The following RPA3 variants were observed in gnomAD, a reference collection of about 807,000 sequenced individuals.
RPA3 encodes replication protein A3, also known as replication protein A 14 kDa subunit.
A neutral mutation model predicts 13.7 loss-of-function variants in RPA3; 24 were observed. The ratio of observed to expected loss-of-function variants is 1.75; its 90% confidence interval spans 1.27 to 2.46. RPA3 has a LOEUF of 2.46. Among genes scored for constraint, RPA3 ranks in the 30% most tolerant of loss-of-function variants. The probability of loss-of-function intolerance (pLI) is 0.00; values close to 1 mark genes in which losing one functional copy is unlikely to be tolerated. For synonymous variants in RPA3, 59 were observed against 51.2 expected, an observed-to-expected ratio of 1.15 and a Z score of -0.65; for missense variants, 183 against 151.0, an observed-to-expected ratio of 1.21 and a Z score of -1.11.
chr7:7,675,558 TC>T (rs1779717761), intron 4 of RPA3, among the ~76,000 whole-genome samples: 1 of 152,190 alleles, frequency 6.6e-6, no homozygotes, highest in Non-Finnish European at 1.5e-5. Context: ...AAGTAGTCTT[TC>T]TTTAACTGAG....
At chr7:7,637,213 G>A in intron 7 of RPA3, 131 bp from the exon 8 acceptor site, 1 of 670,902 alleles carries the variant, frequency 1.5e-6, no homozygotes, top group Non-Finnish European at 2.6e-6. Context: ...TGGAGATATG[G>A]ATTATGGATT....
At chr7:7,655,641 T>C (rs1785321797) in intron 4 of RPA3, among the ~76,000 whole-genome samples, 1 of 152,216 alleles carries the variant, frequency 6.6e-6, no homozygotes, top group Non-Finnish European at 1.5e-5. Context: ...AGAGAAGTTT[T>C]ATTAACTCAT....
rs141602455 is a variant in RPA3, at chr7:7,677,664, G to GTTT, written c.-758+8163_-758+8165dup. On this transcript the variant is annotated intron_variant, in intron 4 of 7. Coordinates refer to ENST00000223129, the MANE Select transcript of RPA3 (RefSeq NM_002947.5). Reference sequence around the variant, plus strand: ...TCTTTATCTATTCATCTGTTTTTTTGTTTTTTTTTTTTTTTTTTTTTTTTT... The same window carrying GTTT: ...TCTTTATCTATTCATCTGTTTTTTTGTTTTTTTTTTTTTTTTTTTTTTTTTTTT... Among the ~76,000 whole-genome samples, 46 of 113,500 alleles carry GTTT rather than the reference G, an allele frequency of 4.1e-4. 2 individuals carry two copies. Among genetic ancestry groups the GTTT allele is most frequent in the African/African-American group, 1.6e-3 (45 of 28,054 alleles). The allele number at this position is 113,500 out of a possible 152,430, so 74.5% of individuals were successfully genotyped here.
intron 4 of RPA3, among the ~76,000 whole-genome samples, chr7:7,657,090 G>T (rs192070507): frequency 6.6e-6 from 1 of 152,210 alleles, no homozygotes; most frequent in East Asian, 1.9e-4. Flanking sequence ...TTTTTCATAT[G>T]TTTGTTGTCT....
chr7:7,697,205 A>G (rs936545117), intron 2 of RPA3, among the ~76,000 whole-genome samples: 1 of 152,148 alleles, frequency 6.6e-6, no homozygotes, highest in African/African-American at 2.4e-5. Context: ...TGACACTTTG[A>G]TACACTTTGC....
intron 3 of RPA3, among the ~76,000 whole-genome samples, chr7:7,686,325 G>T (rs1583735659): frequency 6.6e-6 from 1 of 152,110 alleles, no homozygotes; most frequent in East Asian, 1.9e-4. Flanking sequence ...TGTGGGCCTT[G>T]TGTGGCCTTC....
chr7:7,697,919 C>A (rs1014396988), intron 2 of RPA3, among the ~76,000 whole-genome samples: 1 of 152,180 alleles, frequency 6.6e-6, no homozygotes, highest in Non-Finnish European at 1.5e-5. Flanking sequence ...GATATTCCCT[C>A]AGCTCACCTT....
chr7:7,711,498 T>G (rs1583763263), intron 2 of RPA3, among the ~76,000 whole-genome samples: 1 of 152,238 alleles, frequency 6.6e-6, no homozygotes, highest in East Asian at 1.9e-4. Flanking sequence ...GATATTATAC[T>G]CTATCCTTTT....
At chr7:7,693,322 T>TCTATCTAC (rs1780224118) in intron 2 of RPA3, among the ~76,000 whole-genome samples, 1 of 151,964 alleles carries the variant, frequency 6.6e-6, no homozygotes, top group Non-Finnish European at 1.5e-5. Context: ...TATCTATCTA[T>TCTATCTAC]CTATCTATCT....
chr7:7,650,281 C>A (rs926989286), intron 4 of RPA3, among the ~76,000 whole-genome samples: 1 of 152,116 alleles, frequency 6.6e-6, no homozygotes, highest in African/African-American at 2.4e-5. Context: ...ATATATTTAT[C>A]ATTTTCTTTA....
chr7:7,661,228 C>T (rs780180794), intron 4 of RPA3, among the ~76,000 whole-genome samples: 1 of 151,768 alleles, frequency 6.6e-6, no homozygotes, highest in African/African-American at 2.4e-5. Context: ...CCTTTTTTTC[C>T]AAGGTTCTTA....
intron 4 of RPA3, among the ~76,000 whole-genome samples, chr7:7,663,418 T>C (rs1042723344): frequency 3.9e-5 from 6 of 152,310 alleles, no homozygotes; most frequent in African/African-American, 1.2e-4. Flanking sequence ...TCAGTTTAAA[T>C]GTCTTCTCTT....
At chr7:7,675,359 A>C (rs558204172) in intron 4 of RPA3, among the ~76,000 whole-genome samples, 15 of 152,156 alleles carry the variant, frequency 9.9e-5, no homozygotes, top group Non-Finnish European at 1.9e-4. Context: ...GACAAATTTT[A>C]ACCACCACTG....
At chr7:7,704,152 G>A (rs1168917229) in intron 2 of RPA3, among the ~76,000 whole-genome samples, 4 of 152,246 alleles carry the variant, frequency 2.6e-5, no homozygotes, top group East Asian at 1.9e-4. Context: ...TAGTCTGAAT[G>A]CAGAAGAGAA....
At chr7:7,703,826 C>T (rs951773660) in intron 2 of RPA3, among the ~76,000 whole-genome samples, 3 of 152,032 alleles carry the variant, frequency 2.0e-5, no homozygotes, top group Admixed American at 6.6e-5. Flanking sequence ...CCTGTAGTCC[C>T]AGCTATTTGG....
At chr7:7,702,813 G>A (rs995070359) in intron 2 of RPA3, among the ~76,000 whole-genome samples, 2 of 151,920 alleles carry the variant, frequency 1.3e-5, no homozygotes, top group African/African-American at 4.8e-5. Context: ...GTTGTTTTTG[G>A]TTTGCCTTTT....
At chr7:7,660,579 A>G (rs1273078839) in intron 4 of RPA3, among the ~76,000 whole-genome samples, 1 of 152,230 alleles carries the variant, frequency 6.6e-6, no homozygotes, top group Non-Finnish European at 1.5e-5. Context: ...TTGGCTGGAT[A>G]TGAAATTCTG....
At chr7:7,682,570 T>G (rs1201741037) in intron 4 of RPA3, among the ~76,000 whole-genome samples, 5 of 152,206 alleles carry the variant, frequency 3.3e-5, no homozygotes, top group African/African-American at 7.2e-5. Flanking sequence ...TGATTCTGTC[T>G]AGGGTTGAAG....
intron 1 of RPA3, among the ~76,000 whole-genome samples, chr7:7,717,288 C>T (rs756878503): frequency 6.6e-6 from 1 of 152,048 alleles, no homozygotes; most frequent in African/African-American, 2.4e-5. Context: ...AACTCCTGAC[C>T]CCAAGTGATC....
Sources: allele counts gnomAD v4.1 joint callset (sites outside exome capture counted in the v4.1 genomes callset), GRCh38; gene constraint gnomAD v4.1.1; transcripts MANE v1.5; gene names NCBI Gene and HGNC (gene_info 2026-07-23, HGNC 2026-07-21).